The following ADAM19 variants were observed in gnomAD, a reference collection of about 807,000 sequenced individuals.
ADAM19 encodes the protein ADAM metallopeptidase domain 19.
In ADAM19, 65 loss-of-function variants were observed where a neutral mutation model predicts 114.7. The ratio of observed to expected loss-of-function variants is 0.57; its 90% CI spans 0.46 to 0.70. ADAM19 has a LOEUF of 0.70. Among genes scored for constraint, ADAM19 ranks in the 30% least tolerant of loss-of-function variants. The pLI, the probability that ADAM19 is intolerant of heterozygous loss-of-function variation, is 0.00. For missense variants in ADAM19, 1,063 were observed against 1,204.7 expected (o/e 0.88, Z 1.74); for synonymous variants, 466 against 460.5 (o/e 1.01, Z -0.15).
intron 21 of ADAM19, among the ~76,000 whole-genome samples, chr5:157,484,319 G>A (rs533181871): frequency 1.3e-5 from 2 of 152,268 alleles, no homozygotes; most frequent in African/African-American, 4.8e-5. Context: ...TGTGGGGTCC[G>A]TATCTGTTTG....
intron 3 of ADAM19, among the ~76,000 whole-genome samples, chr5:157,555,201 C>T (rs1030849135): frequency 3.9e-5 from 6 of 152,134 alleles, no homozygotes; most frequent in Non-Finnish European, 7.4e-5. Flanking sequence ...CCTCAGGGTC[C>T]CCATCTGCCA....
At chr5:157,570,676 T>C in intron 2 of ADAM19, 1 of 474,490 alleles carries the variant, frequency 2.1e-6, no homozygotes, top group South Asian at 3.2e-5. Flanking sequence ...TTAATGTGAA[T>C]TTTCATTTCC....
intron 19 of ADAM19, among the ~76,000 whole-genome samples, chr5:157,489,647 T>C (rs929381094): frequency 5.9e-5 from 9 of 152,224 alleles, no homozygotes; most frequent in African/African-American, 1.7e-4. Flanking sequence ...GGAGTAGCTA[T>C]TCTTATACCA....
chr5:157,487,297 G>C (rs923302230), intron 21 of ADAM19, among the ~76,000 whole-genome samples: 8 of 152,004 alleles, frequency 5.3e-5, no homozygotes, highest in Non-Finnish European at 5.9e-5. Flanking sequence ...AAAAGGAAGG[G>C]GAGAGCAGCA....
At chr5:157,519,466 G>A (rs934426115) in intron 6 of ADAM19, among the ~76,000 whole-genome samples, 4 of 152,152 alleles carry the variant, frequency 2.6e-5, no homozygotes, top group Non-Finnish European at 4.4e-5. Flanking sequence ...TGTACTTTTA[G>A]TAGAGATGGG....
chr5:157,496,558 A>T (rs1755371169), intron 14 of ADAM19, among the ~76,000 whole-genome samples: 1 of 152,178 alleles, frequency 6.6e-6, no homozygotes, highest in Admixed American at 6.5e-5. Context: ...CCTCATCATA[A>T]TTATACTTTG....
At chr5:157,483,715 C>A (rs1339026672) in intron 21 of ADAM19, among the ~76,000 whole-genome samples, 2 of 151,228 alleles carry the variant, frequency 1.3e-5, no homozygotes, top group African/African-American at 4.9e-5. Context: ...CTTACTGCAA[C>A]CTCTGCCTCC....
chr5:157,546,125 C>T (rs981599416), intron 3 of ADAM19, among the ~76,000 whole-genome samples: 1 of 152,230 alleles, frequency 6.6e-6, no homozygotes, highest in Non-Finnish European at 1.5e-5. Flanking sequence ...GCACCTGCAG[C>T]TCCCAAGTGC....
chr5:157,512,166 TA>T (rs1225078191), intron 8 of ADAM19, among the ~76,000 whole-genome samples: 1 of 152,206 alleles, frequency 6.6e-6, no homozygotes, highest in African/African-American at 2.4e-5. Flanking sequence ...ACTGTGTCCC[TA>T]GAGTCTGTCC....
chr5:157,508,604 GA>G (rs774011862), intron 9 of ADAM19, among the ~76,000 whole-genome samples: 7,704 of 129,606 alleles, frequency 0.059, 244 homozygotes, highest in Middle Eastern at 0.11. Context: ...TCTCAAAAAA[GA>G]AAAAAAAAAA....
chr5:157,545,342 G>A (rs1288034840), intron 3 of ADAM19, among the ~76,000 whole-genome samples: 1 of 152,132 alleles, frequency 6.6e-6, no homozygotes, highest in Non-Finnish European at 1.5e-5. Context: ...GCTGACTAGG[G>A]CACCTGGAGT....
At chr5:157,487,018 C>T (rs1754957460) in intron 21 of ADAM19, among the ~76,000 whole-genome samples, 1 of 152,098 alleles carries the variant, frequency 6.6e-6, no homozygotes, top group Admixed American at 6.5e-5. Flanking sequence ...CACCTGCAAG[C>T]CACAGAGAGA....
chr5:157,552,850 G>A (rs1757242601), intron 3 of ADAM19, among the ~76,000 whole-genome samples: 1 of 152,030 alleles, frequency 6.6e-6, no homozygotes, highest in Admixed American at 6.6e-5. Flanking sequence ...GTACTATTCT[G>A]CCATAAAAAA....
At chr5:157,530,935 A>C (rs1436304746) in intron 4 of ADAM19, 52 bp from the exon 5 acceptor site, 1 of 1,464,528 alleles carries the variant, frequency 6.8e-7, no homozygotes, top group Non-Finnish European at 9.6e-7. Context: ...TAAGCATGGC[A>C]ATGTTAATAT....
chr5:157,477,778 TC>T lies in ADAM19; in HGVS notation c.*3170del. 1 of 1,266,588 alleles carries T rather than the reference TC, an allele frequency of 7.9e-7. No individual in the cohort carries two copies. The highest frequency in any genetic ancestry group is 1.5e-5 in the African/African-American group (1 of 65,412). The allele number at this position is 1,266,588 out of a possible 1,614,324, so 78.5% of individuals were successfully genotyped here. On this transcript the variant is annotated 3_prime_UTR_variant, in exon 23 of 23. Coordinates refer to ENST00000257527, the MANE Select transcript of ADAM19 (RefSeq NM_033274.5). The stretch of plus-strand genomic sequence containing the variant: ...ATTAGGAAGTAGGCAGGGAGAGACT[TC>T]CAATAAAGATTGGAAAGGCGTATTG...
rs547705031 is a variant in ADAM19, at chr5:157,518,989, T to A, written c.601-101A>T. 109 of 964,284 alleles carry A rather than the reference T, an allele frequency of 1.1e-4. No individual in the cohort carries two copies. In the Middle Eastern group the frequency reaches 3.8e-3, roughly 34 times the overall value. 59.7% of individuals were successfully genotyped at this position (964,284 alleles called of 1,614,324 possible). A position where few individuals can be genotyped will look rare whatever the true frequency, so the allele number is the denominator to read the frequency against. The stretch of plus-strand genomic sequence containing the variant: ...AGCTGCTGGATAAGCAGCAGCTACC[T>A]CCGTAATGATTTTGTCATTCGGCAC... On this transcript the variant is annotated intron_variant, in intron 6 of 22. Transcript: ENST00000257527.
chr5:157,481,176 A>C, intron 22 of ADAM19, 174 bp from the exon 23 acceptor site: 1 of 827,820 alleles, frequency 1.2e-6, no homozygotes, highest in Non-Finnish European at 1.9e-6. Flanking sequence ...GCCCTGCAGG[A>C]AGGGGTGTGG....
chr5:157,485,716 G>A (rs1335406910), intron 21 of ADAM19, among the ~76,000 whole-genome samples: 1 of 152,210 alleles, frequency 6.6e-6, no homozygotes, highest in Non-Finnish European at 1.5e-5. Context: ...TGGGTCCTGG[G>A]ACCAGGAAAG....
In ADAM19 at chr5:157,491,779, A is replaced by G. The variant is rs141502864; in HGVS notation, c.1986+56T>C. The G allele has an allele frequency of 5.9e-4, 956 of 1,612,498 alleles. 10 individuals are homozygous for G. The highest frequency in any genetic ancestry group is 5.9e-3 in the South Asian group (538 of 90,980). On this transcript the variant is annotated intron_variant, in intron 17 of 22. Coordinates refer to ENST00000257527, the MANE Select transcript of ADAM19 (RefSeq NM_033274.5). ...ACCCCAGAGAGCATCAGCCACCCAC[A>G]GGGCCTGCCCTCATGACGTCCCCAT... is the stretch of plus-strand genomic sequence containing the variant.
Sources: gnomAD v4.1 joint callset for allele counts (sites outside exome capture counted in the v4.1 genomes callset) on GRCh38, gnomAD v4.1.1 for gene constraint, MANE v1.5 for transcripts, NCBI Gene and HGNC (gene_info 2026-07-23, HGNC 2026-07-21) for gene names.